PTCD2: variants seen among roughly 807,000 people sequenced by gnomAD.
The protein encoded by PTCD2 is pentatricopeptide repeat-containing protein 2, mitochondrial.
In PTCD2, 31 loss-of-function variants were observed where a neutral mutation model predicts 42.6. The observed-to-expected ratio is 0.73, with a 90% CI of 0.55 to 0.98. The LOEUF is 0.98. Among genes scored for constraint, PTCD2 ranks in the 50% least tolerant of loss-of-function variants. The pLI, the probability that PTCD2 is intolerant of heterozygous loss-of-function variation, is 0.00. For missense variants in PTCD2, 476 were observed against 454.8 expected, an observed-to-expected ratio of 1.05 and a Z score of -0.42; for synonymous variants, 183 against 170.9, an observed-to-expected ratio of 1.07 and a Z score of -0.55.
intron 9 of PTCD2, among the ~76,000 whole-genome samples, chr5:72,356,875 A>C (rs1304942078): frequency 6.6e-6 from 1 of 152,178 alleles, no homozygotes; most frequent in Non-Finnish European, 1.5e-5. Context: ...ACAGTGTTAT[A>C]TATTTGGAAG....
chr5:72,348,801 G>A (rs1752485605), intron 8 of PTCD2, among the ~76,000 whole-genome samples: 1 of 152,246 alleles, frequency 6.6e-6, no homozygotes, highest in Non-Finnish European at 1.5e-5. Context: ...TACCTTGCAA[G>A]GGAATTGACA....
chr5:72,354,758 T>C (rs1752794372), intron 9 of PTCD2, among the ~76,000 whole-genome samples: 1 of 152,198 alleles, frequency 6.6e-6, no homozygotes, highest in African/African-American at 2.4e-5. Context: ...CTGGCAAATA[T>C]AAAGAAGTTG....
intron 7 of PTCD2, among the ~76,000 whole-genome samples, chr5:72,340,157 G>A (rs1027714908): frequency 2.0e-5 from 3 of 151,762 alleles, no homozygotes; most frequent in Non-Finnish European, 2.9e-5. Context: ...TTCTCTAGTT[G>A]GTATTTTTGC....
chr5:72,343,469 A>G (rs1359476485), intron 8 of PTCD2, among the ~76,000 whole-genome samples: 1 of 152,214 alleles, frequency 6.6e-6, no homozygotes, highest in Non-Finnish European at 1.5e-5. Flanking sequence ...GAGCTTATAT[A>G]CTTATGGTAC....
At position 72,326,643 on chromosome 5, in the gene PTCD2, G is replaced by T; in HGVS notation, c.252G>T (p.Leu84=). ...ETYFRNLKKK[L]TQNKLILKGE... Reference sequence around the variant, plus strand: ...ATTTTAGAAACTTGAAAAAGAAACTGACCCAGAACAAGCTCATCTTGAAGG... The same window carrying T: ...ATTTTAGAAACTTGAAAAAGAAACTTACCCAGAACAAGCTCATCTTGAAGG... Residue 84 remains leucine (L), a synonymous_variant, in exon 3 of 10, where the codon CTG becomes CTT. Transcript: ENST00000380639. 1 of 1,614,046 alleles carries T rather than the reference G, an allele frequency of 6.2e-7. No homozygotes were observed. Among genetic ancestry groups the T allele is most frequent in the Non-Finnish European group, 8.5e-7 (1 of 1,179,974 alleles).
intron 8 of PTCD2, among the ~76,000 whole-genome samples, chr5:72,343,553 T>C (rs1279246960): frequency 3.9e-5 from 6 of 152,230 alleles, no homozygotes; most frequent in African/African-American, 1.4e-4. Flanking sequence ...GTTGCCAGTA[T>C]GCCCATGGTC....
chr5:72,337,972 C>T (rs1422642831), intron 6 of PTCD2, among the ~76,000 whole-genome samples: 1 of 152,144 alleles, frequency 6.6e-6, no homozygotes, highest in African/African-American at 2.4e-5. Context: ...CATTTGAACT[C>T]TATTTTGACA....
chr5:72,340,091 G>A (rs1488521756), intron 7 of PTCD2, among the ~76,000 whole-genome samples: 1 of 151,982 alleles, frequency 6.6e-6, no homozygotes, highest in Non-Finnish European at 1.5e-5. Flanking sequence ...CTTGGGTCTC[G>A]TTTGATGCTT....
Position 72,358,240 on chromosome 5 carries a change from C to T in PTCD2, c.980C>T (p.Ala327Val). Residue 327 changes from alanine to valine, a missense_variant, in exon 10 of 10, where the codon GCC (alanine) becomes GTC (valine). Ala to Val is a moderately conservative substitution (Grantham distance 64). Coordinates refer to ENST00000380639, the MANE Select transcript of PTCD2 (RefSeq NM_024754.5). ...KVREKVKDVPALVAKFDEIYG... is the reference protein window; with the variant it reads ...KVREKVKDVPVLVAKFDEIYG... ...AGGGAAAAAGTGAAGGATGTGCCTG[C>T]CCTTGTGGCCAAATTTGATGAGATC... is the stretch of plus-strand genomic sequence containing the variant. 4 of 1,614,084 alleles carry T rather than the reference C, an allele frequency of 2.5e-6. No homozygotes were observed. In the South Asian group the frequency reaches 3.3e-5, roughly 13 times the overall value.
At chr5:72,332,721 G>A (rs1476579257) in intron 4 of PTCD2, among the ~76,000 whole-genome samples, 1 of 152,086 alleles carries the variant, frequency 6.6e-6, no homozygotes, top group African/African-American at 2.4e-5. Flanking sequence ...GGACAAATTC[G>A]AGTAAGTGAC....
In PTCD2 at chr5:72,343,905, G is replaced by C. The variant is rs911095485; in HGVS notation, c.828+869G>C. 2.6e-5 allele frequency among the ~76,000 whole-genome samples: 4 copies of C among 152,084 alleles called. No individual in the cohort carries two copies. In the South Asian group the frequency reaches 6.2e-4, roughly 24 times the overall value. On this transcript the variant is annotated intron_variant, in intron 8 of 9. Transcript: ENST00000380639. ...TACTTGTGTGGGGGGAGTTGCAAAA[G>C]AAAAAAACTTTCAGGAGCTTATAGT...
In PTCD2 at chr5:72,341,033, C is replaced by T. The variant is rs185322137; in HGVS notation, c.754-1929C>T. ...AAGCTGGAATGGAGTGGCACGATTT[C>T]GGCTCACTGCAACCTCCGCCTCCTG... On this transcript the variant is annotated intron_variant, in intron 7 of 9. Transcript: ENST00000380639. Among the ~76,000 whole-genome samples the T allele has an allele frequency of 8.7e-5, 13 of 149,868 alleles. No homozygotes were observed. The East Asian group carries it at 2.6e-3, about 30-fold the overall frequency.
chr5:72,326,508 C>T (rs1400470776), intron 2 of PTCD2, 104 bp from the exon 3 acceptor site: 2 of 1,224,380 alleles, frequency 1.6e-6, no homozygotes, highest in Admixed American at 1.9e-5. Flanking sequence ...TCTCAGTGCC[C>T]CTCTGCAGTG....
rs1580162084 is a variant in PTCD2 at position 72,337,572 on chromosome 5, G to C, written c.640-1050G>C. ...GCACTTTGGGAGGCCGAGGCAGGCAGATCACCTGAGGTCAGGAGTTCGAGA... is the reference window on the plus strand; with the variant it reads ...GCACTTTGGGAGGCCGAGGCAGGCACATCACCTGAGGTCAGGAGTTCGAGA... On this transcript the variant is annotated intron_variant, in intron 6 of 9. Transcript: ENST00000380639. 2.0e-5 allele frequency among the ~76,000 whole-genome samples: 3 copies of C among 152,234 alleles called. No individual in the cohort carries two copies. In the South Asian group the frequency reaches 6.2e-4, roughly 32 times the overall value.
chr5:72,332,645 A>C (rs1751500372), intron 4 of PTCD2, among the ~76,000 whole-genome samples: 1 of 152,236 alleles, frequency 6.6e-6, no homozygotes. Context: ...ATGAAAGCAA[A>C]CGGGTTTTTT....
intron 5 of PTCD2, 22 bp from the exon 6 acceptor site, chr5:72,335,772 A>AT: frequency 6.5e-7 from 1 of 1,550,072 alleles, no homozygotes; most frequent in Non-Finnish European, 8.9e-7. Context: ...TAACACTGCG[A>AT]TCCACTCTTC....
intron 7 of PTCD2, among the ~76,000 whole-genome samples, 162 bp downstream of exon 7, chr5:72,338,897 A>G (rs778162398): frequency 1.3e-5 from 2 of 152,232 alleles, no homozygotes; most frequent in Non-Finnish European, 2.9e-5. Context: ...ATCTATACCT[A>G]TACCCACAAA....
Position 72,359,857 on chromosome 5 carries a change from G to A in PTCD2, c.*1430G>A, listed in dbSNP as rs1405714383. The A allele has an allele frequency of 6.6e-6, 1 of 152,074 alleles. No individual in the cohort carries two copies. The highest frequency in any genetic ancestry group is 1.5e-5 in the Non-Finnish European group (1 of 68,008). 9.4% of individuals were successfully genotyped at this position (152,074 alleles called of 1,614,324 possible). ...TCTTTTCAGAGGGGAAAAAGGAGCA[G>A]CTCTTAAGAAACAGAATACTAAGGG... On this transcript the variant is annotated 3_prime_UTR_variant, in exon 10 of 10. Transcript: ENST00000380639.
At chr5:72,342,051 AT>A (rs1475115622) in intron 7 of PTCD2, among the ~76,000 whole-genome samples, 3 of 151,682 alleles carry the variant, frequency 2.0e-5, no homozygotes, top group Admixed American at 6.6e-5. Flanking sequence ...TCTAAAAAAA[AT>A]AATAATAAAA....
Sources: gnomAD v4.1 joint callset for allele counts (sites outside exome capture counted in the v4.1 genomes callset) on GRCh38, gnomAD v4.1.1 for gene constraint, MANE v1.5 for transcripts, NCBI Gene and HGNC (gene_info 2026-07-23, HGNC 2026-07-21) for gene names.